MAF: variants seen among roughly 807,000 people sequenced by gnomAD.
MAF encodes transcription factor Maf.
In MAF, 10 loss-of-function variants were observed where a neutral mutation model predicts 22.0. That is an observed-to-expected ratio of 0.45 (90% CI 0.28 to 0.77). The LOEUF (loss-of-function observed/expected upper bound fraction) is 0.77, where lower values mean the gene tolerates loss of function less well. Among genes scored for constraint, MAF ranks in the 30% least tolerant of loss-of-function variants. MAF has a pLI of 0.12. For missense variants in MAF, 544 were observed against 548.4 expected, an observed-to-expected ratio of 0.99 and a Z score of 0.08; for synonymous variants, 337 against 255.8, an observed-to-expected ratio of 1.32 and a Z score of -3.03.
the MAF span, among the ~76,000 whole-genome samples, chr16:79,430,510 T>C: frequency 1.3e-5 from 2 of 152,230 alleles, no homozygotes; most frequent in African/African-American, 2.4e-5. Context: ...CATTCCTGGC[T>C]CATTTCCCTC....
the MAF span, among the ~76,000 whole-genome samples, chr16:79,529,065 A>T: frequency 4.6e-5 from 7 of 152,298 alleles, no homozygotes; most frequent in African/African-American, 1.7e-4. Context: ...AAGTAAGTCA[A>T]CCCAAGCTTT....
At chr16:79,341,118 G>T in the MAF span, among the ~76,000 whole-genome samples, 1 of 152,062 alleles carries the variant, frequency 6.6e-6, no homozygotes, top group Admixed American at 6.5e-5. Flanking sequence ...GTAGGGGCAG[G>T]TGTGGGCACA....
At chr16:79,544,772 C>CAAA in the MAF span, among the ~76,000 whole-genome samples, 15,821 of 113,244 alleles carry the variant, frequency 0.14, 1,269 homozygotes, top group Middle Eastern at 0.22. Flanking sequence ...GGCTCTGTCT[C>CAAA]AAAAAAAAAA....
At chr16:79,562,502 G>C in the MAF span, among the ~76,000 whole-genome samples, 1 of 152,162 alleles carries the variant, frequency 6.6e-6, no homozygotes, top group Non-Finnish European at 1.5e-5. Flanking sequence ...TAGGCTTAAA[G>C]GCCCATTGTC....
rs1335046668 is a variant in MAF at position 79,599,156 on chromosome 16, G to A, written c.747C>T (p.His249=). The A allele has an allele frequency of 6.5e-7, 1 of 1,537,782 alleles. No homozygotes were observed. Among genetic ancestry groups the A allele is most frequent in the Non-Finnish European group, 8.7e-7 (1 of 1,147,240 alleles). ...CGAAGTGCAGGCCGCCGGCGGCGTG[G>A]TGCGGGTGCAGGGCGCCCCCCGCCC... ...AAGAGGALHP[H]HAAGGLHFDD... is the part of the protein sequence containing the mutation. The change falls in exon 1 of 2, where the codon CAC becomes CAT. Residue 249 remains histidine (H), a synonymous_variant. Transcript: ENST00000326043.
At chr16:79,487,862 A>T in the MAF span, among the ~76,000 whole-genome samples, 1 of 152,146 alleles carries the variant, frequency 6.6e-6, no homozygotes, top group African/African-American at 2.4e-5. Context: ...CTCTGCTTTC[A>T]TCTCTGCGTA....
chr16:79,336,955 A>G, the MAF span, among the ~76,000 whole-genome samples: 6 of 152,314 alleles, frequency 3.9e-5, no homozygotes, highest in Non-Finnish European at 8.8e-5. Flanking sequence ...TAAAGCAAGG[A>G]AAAAATAAAC....
chr16:79,214,615 C>T, the MAF span, among the ~76,000 whole-genome samples: 2 of 150,890 alleles, frequency 1.3e-5, no homozygotes, highest in African/African-American at 2.4e-5. Context: ...CTATGTTGGC[C>T]AGGCTGGTCT....
the MAF span, among the ~76,000 whole-genome samples, chr16:79,207,788 CTTT>C: frequency 6.6e-6 from 1 of 150,702 alleles, no homozygotes; most frequent in African/African-American, 2.4e-5. Context: ...TATGTGGGTG[CTTT>C]TTTTTTCTTT....
At chr16:79,502,716 T>TAA in the MAF span, among the ~76,000 whole-genome samples, 113 of 20,516 alleles carry the variant, frequency 5.5e-3, no homozygotes, top group East Asian at 0.077. Context: ...TAAATATATA[T>TAA]ATATATATAT....
chr16:79,495,042 AC>A, the MAF span, among the ~76,000 whole-genome samples: 1 of 151,924 alleles, frequency 6.6e-6, no homozygotes, highest in Non-Finnish European at 1.5e-5. Context: ...CAGGCGTGTC[AC>A]CCCCCCAGAC....
chr16:79,485,148 C>A, the MAF span, among the ~76,000 whole-genome samples: 1 of 152,198 alleles, frequency 6.6e-6, no homozygotes. Context: ...CCTCCAGGAA[C>A]AGTGATCTCT....
At chr16:79,403,922 G>A in the MAF span, among the ~76,000 whole-genome samples, 2 of 152,156 alleles carry the variant, frequency 1.3e-5, no homozygotes, top group African/African-American at 4.8e-5. Context: ...CTTCCATGGT[G>A]CTTCTCTCCT....
At chr16:79,335,197 A>AG in the MAF span, among the ~76,000 whole-genome samples, 65 of 151,764 alleles carry the variant, frequency 4.3e-4, no homozygotes, top group East Asian at 0.012. Context: ...AAAAAAAAAA[A>AG]AAGAAAGAAA....
chr16:79,502,022 A>G, the MAF span, among the ~76,000 whole-genome samples: 5 of 152,200 alleles, frequency 3.3e-5, no homozygotes, highest in African/African-American at 1.2e-4. Flanking sequence ...ATTTAAGGGT[A>G]TCAATTTCTT....
the MAF span, among the ~76,000 whole-genome samples, chr16:79,246,657 T>C: frequency 6.6e-6 from 1 of 151,782 alleles, no homozygotes; most frequent in Non-Finnish European, 1.5e-5. Context: ...CAACATGAAA[T>C]GTGTTAATTT....
At chr16:79,399,282 T>TC in the MAF span, among the ~76,000 whole-genome samples, 1 of 152,348 alleles carries the variant, frequency 6.6e-6, no homozygotes, top group Admixed American at 6.5e-5. Flanking sequence ...GAAAAAATTC[T>TC]TTGTAAAGTG....
chr16:79,464,763 A>T, the MAF span, among the ~76,000 whole-genome samples: 1 of 152,290 alleles, frequency 6.6e-6, no homozygotes, highest in South Asian at 2.1e-4. Context: ...CGATTCCCAA[A>T]ATTAGACACG....
the MAF span, among the ~76,000 whole-genome samples, chr16:79,303,708 C>T: frequency 8.6e-5 from 13 of 152,016 alleles, no homozygotes; most frequent in African/African-American, 3.1e-4. Context: ...TGAGGCACAC[C>T]CGTAAGAAAG....
Sources: allele counts gnomAD v4.1 joint callset (sites outside exome capture counted in the v4.1 genomes callset), GRCh38; gene constraint gnomAD v4.1.1; transcripts MANE v1.5; gene names NCBI Gene and HGNC (gene_info 2026-07-23, HGNC 2026-07-21).